RELN: variants seen among roughly 807,000 people sequenced by gnomAD.
The protein encoded by RELN is reelin.
In RELN, 108 loss-of-function variants were observed where a neutral mutation model predicts 427.6. The ratio of observed to expected loss-of-function variants is 0.25; its 90% CI spans 0.22 to 0.30. RELN has a LOEUF of 0.30. Among genes scored for constraint, RELN ranks in the 10% least tolerant of loss-of-function variants. The pLI is 1.00. For missense variants in RELN, 3,715 were observed against 4,302.8 expected, an observed-to-expected ratio of 0.86 and a Z score of 3.82; for synonymous variants, 1,524 against 1,513.4, an observed-to-expected ratio of 1.01 and a Z score of -0.16.
chr7:103,838,700 G>A (rs1288980735), intron 2 of RELN, among the ~76,000 whole-genome samples: 2 of 152,142 alleles, frequency 1.3e-5, no homozygotes, highest in Non-Finnish European at 2.9e-5. Flanking sequence ...AGTCCTGTGG[G>A]AAGGGAAACA....
intron 2 of RELN, among the ~76,000 whole-genome samples, chr7:103,913,201 A>G (rs1394784130): frequency 1.3e-5 from 2 of 152,180 alleles, no homozygotes; most frequent in Non-Finnish European, 2.9e-5. Flanking sequence ...CTTAAGTATA[A>G]TTATGGACAT....
In RELN at chr7:103,700,919, T is replaced by G. The variant is rs963575319; in HGVS notation, c.893A>C (p.Glu298Ala). The G allele has an allele frequency of 4.4e-6, 7 of 1,596,742 alleles. No homozygotes were observed. In the African/African-American group the frequency reaches 9.4e-5, roughly 21 times the overall value. The change falls in exon 9 of 65, where the codon GAG (glutamate) becomes GCG (alanine). Residue 298 changes from glutamate (E) to alanine (A), a missense_variant. By Grantham distance (107) the Glu-to-Ala change is moderately radical. Transcript: ENST00000428762. ...KNNSADWIQL[E>A]KIRAPSNVST... is the part of the protein sequence containing the mutation. ...TTAAATTACAACAAACCTAATTTTC[T>G]CTAGCTGAATCCAGTCCGCAGAGTT...
intron 4 of RELN, among the ~76,000 whole-genome samples, chr7:103,759,007 C>T (rs1791229738): frequency 6.6e-6 from 1 of 151,736 alleles, no homozygotes; most frequent in South Asian, 2.1e-4. Flanking sequence ...ACAGACTACG[C>T]AAAGAGGACA....
intron 2 of RELN, among the ~76,000 whole-genome samples, chr7:103,856,584 A>AG: frequency 6.7e-6 from 1 of 149,868 alleles, no homozygotes; most frequent in Non-Finnish European, 1.5e-5. Context: ...AAAAAAAAAA[A>AG]AAAAGAAAGA....
chr7:103,749,400 A>C (rs377241038), intron 6 of RELN, 26 bp downstream of exon 6: 230 of 1,582,022 alleles, frequency 1.5e-4, no homozygotes, highest in Non-Finnish European at 1.8e-4. Flanking sequence ...AAGCAAACCA[A>C]AGTGAGGAAT....
chr7:103,884,022 C>T (rs763119576), intron 2 of RELN, among the ~76,000 whole-genome samples: 49 of 152,284 alleles, frequency 3.2e-4, no homozygotes, highest in Admixed American at 7.8e-4. Context: ...TACTACCTAA[C>T]TTCAAAGTAT....
At chr7:103,816,631 T>A (rs1367019434) in intron 3 of RELN, among the ~76,000 whole-genome samples, 2 of 151,364 alleles carry the variant, frequency 1.3e-5, no homozygotes, top group Admixed American at 1.3e-4. Flanking sequence ...TTATCTAACA[T>A]TGCAACCATA....
chr7:103,656,700 G>A lies in RELN; in HGVS notation c.1442-2495C>T, dbSNP rs140857125. Among the ~76,000 whole-genome samples the A allele has an allele frequency of 2.7e-3, 413 of 152,142 alleles. 1 individual carries two copies. Among genetic ancestry groups the A allele is most frequent in the Non-Finnish European group, 4.6e-3 (310 of 67,970 alleles). On this transcript the variant is annotated intron_variant, in intron 12 of 64. Transcript: ENST00000428762. The stretch of plus-strand genomic sequence containing the variant: ...GTTTTTGTTTTGACAAAGAGTTGAT[G>A]TTGCAAATGGTGGTTGGTACTGTAT...
intron 2 of RELN, among the ~76,000 whole-genome samples, chr7:103,883,233 C>A (rs1452179556): frequency 3.9e-5 from 6 of 152,094 alleles, no homozygotes; most frequent in African/African-American, 1.2e-4. Context: ...ACAAAATTCA[C>A]CACCCCTTAA....
chr7:103,649,660 T>G (rs1432365125), intron 16 of RELN, among the ~76,000 whole-genome samples: 2 of 152,024 alleles, frequency 1.3e-5, no homozygotes, highest in African/African-American at 4.8e-5. Flanking sequence ...CCCAAGAGCT[T>G]AAAATATCTT....
chr7:103,890,825 C>G (rs962552939), intron 2 of RELN, among the ~76,000 whole-genome samples: 4 of 152,198 alleles, frequency 2.6e-5, no homozygotes, highest in Non-Finnish European at 5.9e-5. Flanking sequence ...CGCCTGTAAT[C>G]CCAGCACTTT....
In RELN at chr7:103,650,301, G is replaced by T. The variant is rs199851352; in HGVS notation, c.1975C>A (p.Leu659Ile). 4.3e-6 allele frequency: 7 copies of T among 1,610,140 alleles called. No homozygotes were observed. The highest frequency in any genetic ancestry group is 1.7e-5 in the Admixed American group (1 of 59,820). ...TTATCAATTGCCCACATGTTTCCAA[G>T]GATTGGTCCTGTTTGTCTCCAGCGA... The part of the protein sequence containing the change: ...RIRWRQTGPI[L>I]GNMWAIDNVY... Residue 659 changes from leucine (L) to isoleucine (I), a missense_variant, in exon 16 of 65, where the codon CTT becomes ATT. Physicochemically the swap from Leu to Ile is conservative, Grantham distance 5. Around this residue, in one of 4 missense-constraint regions of RELN, gnomAD observed 2,208 missense variants for 2,361.7 expected, o/e 0.93. Coordinates refer to ENST00000428762, the MANE Select transcript of RELN (RefSeq NM_005045.4).
chr7:103,543,454 C>T (rs2953019), intron 42 of RELN, among the ~76,000 whole-genome samples: 2 of 151,758 alleles, frequency 1.3e-5, no homozygotes, highest in Admixed American at 6.6e-5. Flanking sequence ...GAGACCAGCC[C>T]GGCCAACATG....
chr7:103,788,761 A>C (rs1273520584), intron 3 of RELN, among the ~76,000 whole-genome samples: 1 of 152,210 alleles, frequency 6.6e-6, no homozygotes, highest in African/African-American at 2.4e-5. Flanking sequence ...ATACTGCCCA[A>C]AGTAATTTAT....
At chr7:103,738,129 T>C (rs762510970) in intron 6 of RELN, among the ~76,000 whole-genome samples, 23 of 149,626 alleles carry the variant, frequency 1.5e-4, no homozygotes, top group Non-Finnish European at 3.0e-4. Context: ...CCAGTTATCA[T>C]TGTGTTTTTT....
At chr7:103,612,366 C>G (rs1831980474) in intron 20 of RELN, among the ~76,000 whole-genome samples, 2 of 151,702 alleles carry the variant, frequency 1.3e-5, no homozygotes, top group South Asian at 4.2e-4. Context: ...ACCTCCGCCC[C>G]CCTGGTTCAA....
chr7:103,880,292 CATAGA>C (rs1167674842), intron 2 of RELN, among the ~76,000 whole-genome samples: 4 of 152,062 alleles, frequency 2.6e-5, no homozygotes, highest in Non-Finnish European at 5.9e-5. Flanking sequence ...AGGTTTAAAA[CATAGA>C]ATAGAATTTT....
chr7:103,696,147 G>C (rs1833972285), intron 10 of RELN, among the ~76,000 whole-genome samples: 1 of 152,062 alleles, frequency 6.6e-6, no homozygotes, highest in Non-Finnish European at 1.5e-5. Flanking sequence ...CTTTTCTTGT[G>C]ATCCTCACCC....
intron 6 of RELN, among the ~76,000 whole-genome samples, chr7:103,739,860 T>A (rs1790597165): frequency 6.6e-6 from 1 of 151,964 alleles, no homozygotes; most frequent in Non-Finnish European, 1.5e-5. Context: ...CACACCAGAG[T>A]ACAGCACAGA....
Sources: allele counts gnomAD v4.1 joint callset (sites outside exome capture counted in the v4.1 genomes callset), GRCh38; gene constraint gnomAD v4.1.1; regional missense constraint gnomAD v4.1.1; transcripts MANE v1.5; gene names NCBI Gene and HGNC (gene_info 2026-07-23, HGNC 2026-07-21).